The following NIPAL3 variants were observed in gnomAD, a reference collection of about 807,000 sequenced individuals.
NIPAL3 encodes NIPA like domain containing 3, also known as NIPA-like protein 3.
In NIPAL3, 41 loss-of-function variants were observed where a neutral mutation model predicts 47.2. That is an observed-to-expected ratio of 0.87 (90% CI 0.68 to 1.13). The LOEUF is 1.13. Ranked by LOEUF, NIPAL3 falls within the 50% of genes most tolerant of loss-of-function variation. NIPAL3 has a pLI of 0.00. For missense variants in NIPAL3, 449 were observed against 530.1 expected (o/e 0.85, Z 1.50); for synonymous variants, 194 against 209.6 (o/e 0.93, Z 0.64).
Position 24,440,260 on chromosome 1 carries a change from A to G in NIPAL3, c.162+20A>G, listed in dbSNP as rs759705855. On this transcript the variant is annotated intron_variant, in intron 3 of 11. Coordinates refer to ENST00000374399, the MANE Select transcript of NIPAL3 (RefSeq NM_020448.5). Reference sequence around the variant, plus strand: ...CTCCAGGTAAGTTTCAGTTACCAGCACTGTCTGGGGACAGAGACACAGCAG... The same window carrying G: ...CTCCAGGTAAGTTTCAGTTACCAGCGCTGTCTGGGGACAGAGACACAGCAG... The G allele has an allele frequency of 1.3e-6, 2 of 1,565,492 alleles. No individual in the cohort carries two copies. The highest frequency in any genetic ancestry group is 1.9e-5 in the Admixed American group (1 of 52,502).
In NIPAL3 at chr1:24,449,478, C is replaced by T. The variant is rs1240799235; in HGVS notation, c.395-3C>T. ...AGTCCGTGACAGCCTCTCTTCCCCG[C>T]AGGGCGCTACGTCTTGTCCTTTGTT... On this transcript the variant is annotated splice_polypyrimidine_tract_variant and splice_region_variant and intron_variant, in intron 5 of 11. Transcript: ENST00000374399. The surrounding 1 kb of genome is among the most constrained non-coding windows in gnomAD (Gnocchi z 4.5). 1 of 1,612,964 alleles carries T rather than the reference C, an allele frequency of 6.2e-7. No individual in the cohort carries two copies. Among genetic ancestry groups the T allele is most frequent in the East Asian group, 2.2e-5 (1 of 44,876 alleles).
In NIPAL3 at chr1:24,458,846, A is replaced by G. The variant is rs138318608; in HGVS notation, c.774-42A>G. Reference sequence around the variant, plus strand: ...CTGTTGTCAGCTCTTAGCCTTTCCAACGTCTCCACAGCCCACTGACTGGAG... The same window carrying G: ...CTGTTGTCAGCTCTTAGCCTTTCCAGCGTCTCCACAGCCCACTGACTGGAG... On this transcript the variant is annotated intron_variant, in intron 8 of 11. Transcript: ENST00000374399. 96 of 1,501,924 alleles carry G rather than the reference A, an allele frequency of 6.4e-5. No individual in the cohort carries two copies. The African/African-American group carries it at 1.1e-3, about 18-fold the overall frequency. The allele number at this position is 1,501,924 out of a possible 1,614,324, so 93.0% of individuals were successfully genotyped here.
At chr1:24,468,695 G>C (rs979607586) in intron 11 of NIPAL3, among the ~76,000 whole-genome samples, 2 of 152,134 alleles carry the variant, frequency 1.3e-5, no homozygotes, top group Non-Finnish European at 2.9e-5. Context: ...ATTCCACCTG[G>C]GGCCCACACC....
Position 24,416,860 on chromosome 1 carries a change from G to A in NIPAL3, c.-258+956G>A, listed in dbSNP as rs1644070074. ...GCCTGCGAGTTCCTGAGGCAGAGAG[G>A]GAAGCTGCTTTTTAAAAGAAAAATT... On this transcript the variant is annotated intron_variant, in intron 1 of 11. Coordinates refer to ENST00000374399, the MANE Select transcript of NIPAL3 (RefSeq NM_020448.5). This position sits in a 1 kb window ranked among gnomAD's most constrained non-coding sequence, Gnocchi z 4.8. 1 of 152,182 alleles carries A rather than the reference G, an allele frequency of 6.6e-6. No individual in the cohort carries two copies. The highest frequency in any genetic ancestry group is 1.5e-5 in the Non-Finnish European group (1 of 68,054). 9.4% of individuals were successfully genotyped at this position (152,182 alleles called of 1,614,324 possible).
At chr1:24,418,797 C>T (rs892303473) in intron 1 of NIPAL3, among the ~76,000 whole-genome samples, 1 of 152,042 alleles carries the variant, frequency 6.6e-6, no homozygotes, top group Non-Finnish European at 1.5e-5. Context: ...GTCACCTCAC[C>T]TGTGTCAGGC....
chr1:24,435,747 G>T (rs1388592755), intron 2 of NIPAL3, among the ~76,000 whole-genome samples: 2 of 152,184 alleles, frequency 1.3e-5, no homozygotes, highest in Admixed American at 1.3e-4. Context: ...GACACCATGG[G>T]GAGGAGGACA....
At chr1:24,425,074 A>G (rs1644512764) in intron 2 of NIPAL3, among the ~76,000 whole-genome samples, 1 of 152,242 alleles carries the variant, frequency 6.6e-6, no homozygotes, top group Admixed American at 6.5e-5. Flanking sequence ...TGAGCTGCCC[A>G]GGAAGCAGCT....
intron 2 of NIPAL3, among the ~76,000 whole-genome samples, chr1:24,434,747 A>G (rs960477926): frequency 1.5e-4 from 23 of 152,350 alleles, no homozygotes; most frequent in Middle Eastern, 3.4e-3. Context: ...TCTGATCACA[A>G]TGGAATGAAA....
chr1:24,458,517 G>C (rs984539108), intron 8 of NIPAL3, among the ~76,000 whole-genome samples: 3 of 151,946 alleles, frequency 2.0e-5, no homozygotes, highest in Non-Finnish European at 4.4e-5. Context: ...TGCTGTAAGA[G>C]TTTCTGGGGG....
intron 5 of NIPAL3, 96 bp downstream of exon 5, chr1:24,445,340 C>T (rs970687508): frequency 2.4e-6 from 2 of 842,110 alleles, no homozygotes; most frequent in African/African-American, 3.4e-5. Flanking sequence ...TTATCTGCCT[C>T]CTGCTGTCCT....
At chr1:24,437,159 G>A (rs1023073508) in intron 2 of NIPAL3, among the ~76,000 whole-genome samples, 11 of 152,224 alleles carry the variant, frequency 7.2e-5, no homozygotes, top group Admixed American at 2.6e-4. Flanking sequence ...GGCTGAGGCA[G>A]GAGAATGGCG....
chr1:24,419,504 C>A lies in NIPAL3; in HGVS notation c.-44C>A. 6.5e-7 allele frequency: 1 copy of A among 1,545,710 alleles called. No homozygotes were observed. Among genetic ancestry groups the A allele is most frequent in the East Asian group, 2.4e-5 (1 of 41,022 alleles). ...GCCTGGGCCCCGCCTAGCAGCAGCT[C>A]CACCTCCTAGGCCAGGCCCTGTGGG... is the stretch of plus-strand genomic sequence containing the variant. On this transcript the variant is annotated 5_prime_UTR_variant, in exon 2 of 12. Transcript: ENST00000374399.
chr1:24,440,143 A>G, intron 2 of NIPAL3, 29 bp from the exon 3 acceptor site: 3 of 1,521,724 alleles, frequency 2.0e-6, no homozygotes, highest in Non-Finnish European at 2.6e-6. Context: ...TGCCCAAATC[A>G]TGTCCACTCC....
At chr1:24,431,476 C>A (rs1644875439) in intron 2 of NIPAL3, among the ~76,000 whole-genome samples, 1 of 152,178 alleles carries the variant, frequency 6.6e-6, no homozygotes, top group Admixed American at 6.5e-5. Context: ...TGGCCCCAGT[C>A]CAAAGAAGAT....
chr1:24,439,309 A>T (rs1301660202), intron 2 of NIPAL3, among the ~76,000 whole-genome samples: 2 of 152,258 alleles, frequency 1.3e-5, no homozygotes, highest in African/African-American at 4.8e-5. Context: ...AATAAAAATG[A>T]CAAATTAGGT....
At position 24,449,462 on chromosome 1, in the gene NIPAL3, C is replaced by T. The variant is rs1405211724; in HGVS notation, c.395-19C>T. The stretch of plus-strand genomic sequence containing the variant: ...GCCTGTTGTTGCAATGAGTCCGTGA[C>T]AGCCTCTCTTCCCCGCAGGGCGCTA... On this transcript the variant is annotated intron_variant, in intron 5 of 11. Coordinates refer to ENST00000374399, the MANE Select transcript of NIPAL3 (RefSeq NM_020448.5). This position sits in a 1 kb window ranked among gnomAD's most constrained non-coding sequence, Gnocchi z 4.5. 1 of 1,612,294 alleles carries T rather than the reference C, an allele frequency of 6.2e-7. No homozygotes were observed. The highest frequency in any genetic ancestry group is 2.2e-5 in the East Asian group (1 of 44,876).
intron 2 of NIPAL3, among the ~76,000 whole-genome samples, chr1:24,425,383 ATTC>A (rs749537298): frequency 1.1e-4 from 17 of 152,154 alleles, no homozygotes; most frequent in Non-Finnish European, 2.2e-4. Flanking sequence ...ACCCAAGACA[ATTC>A]TTCTTCCAAT....
chr1:24,421,089 G>C (rs920844156), intron 2 of NIPAL3, among the ~76,000 whole-genome samples: 2 of 151,980 alleles, frequency 1.3e-5, no homozygotes, highest in African/African-American at 4.8e-5. Flanking sequence ...AAGCCAAGAC[G>C]GGTGGATGGC....
chr1:24,429,313 G>A (rs370896850), intron 2 of NIPAL3, among the ~76,000 whole-genome samples: 1 of 150,458 alleles, frequency 6.6e-6, no homozygotes, highest in African/African-American at 2.5e-5. Flanking sequence ...TCAGGAGGCC[G>A]AGGCAGGAGA....
Sources: gnomAD v4.1 joint callset for allele counts (sites outside exome capture counted in the v4.1 genomes callset) on GRCh38, gnomAD v4.1.1 for gene constraint, Gnocchi (gnomAD v3.1) non-coding constraint, MANE v1.5 for transcripts, NCBI Gene and HGNC (gene_info 2026-07-23, HGNC 2026-07-21) for gene names.